The following EML4 variants were observed in gnomAD, a reference collection of about 807,000 sequenced individuals.
EML4 encodes EMAP like 4.
In EML4, 72 loss-of-function variants were observed where a neutral mutation model predicts 129.0. The observed-to-expected ratio is 0.56, with a 90% CI of 0.46 to 0.68. The LOEUF (loss-of-function observed/expected upper bound fraction) is 0.68. Among genes scored for constraint, EML4 ranks in the 30% least tolerant of loss-of-function variants. EML4 has a pLI of 0.00. For missense variants in EML4, 1,363 were observed against 1,190.6 expected, an observed-to-expected ratio of 1.14 and a Z score of -2.13; for synonymous variants, 532 against 405.0, an observed-to-expected ratio of 1.31 and a Z score of -3.77.
intron 7 of EML4, among the ~76,000 whole-genome samples, chr2:42,282,513 A>T (rs1386411004): frequency 6.6e-6 from 1 of 151,478 alleles, no homozygotes; most frequent in African/African-American, 2.4e-5. Flanking sequence ...CCCACCTCAG[A>T]CTCCCAAGTA....
intron 2 of EML4, 50 bp downstream of exon 2, chr2:42,245,737 T>C (rs759062280): frequency 3.4e-5 from 51 of 1,483,646 alleles, no homozygotes; most frequent in Admixed American, 4.7e-5. Flanking sequence ...CAATATTTTC[T>C]TTGAAAGTTG....
intron 7 of EML4, among the ~76,000 whole-genome samples, chr2:42,281,504 A>G (rs1558570934): frequency 1.3e-5 from 2 of 152,170 alleles, no homozygotes; most frequent in South Asian, 2.1e-4. Flanking sequence ...TTTGAACATC[A>G]TGGCAAGTAC....
chr2:42,242,644 T>G (rs980226207), intron 1 of EML4, among the ~76,000 whole-genome samples: 1 of 151,994 alleles, frequency 6.6e-6, no homozygotes, highest in African/African-American at 2.4e-5. Context: ...ACTAACTCAC[T>G]TCCTTCCTCC....
At chr2:42,284,595 T>C in intron 8 of EML4, 39 bp from the exon 9 acceptor site, 1 of 1,463,134 alleles carries the variant, frequency 6.8e-7, no homozygotes, top group Non-Finnish European at 9.5e-7. Flanking sequence ...TTGTTTCATG[T>C]TTCCTGTGTT....
At chr2:42,280,728 T>C (rs1666956746) in intron 6 of EML4, 122 bp from the exon 7 acceptor site, 1 of 717,894 alleles carries the variant, frequency 1.4e-6, no homozygotes, top group Non-Finnish European at 2.2e-6. Context: ...TTGTATATAA[T>C]GAGACTAAAA....
chr2:42,184,047 GTGT>G (rs1433929950), intron 1 of EML4, among the ~76,000 whole-genome samples: 1 of 152,128 alleles, frequency 6.6e-6, no homozygotes, highest in Non-Finnish European at 1.5e-5. Context: ...GTGCTCTGAA[GTGT>G]TGTTTAGTAG....
chr2:42,257,831 C>T (rs1221637159), intron 3 of EML4, among the ~76,000 whole-genome samples: 7 of 131,428 alleles, frequency 5.3e-5, no homozygotes, highest in African/African-American at 1.3e-4. Context: ...AGCCAGACTC[C>T]GTCTCAAAAA....
intron 3 of EML4, among the ~76,000 whole-genome samples, chr2:42,259,722 C>CTTTTTTTTTTTTTTTTTTTTTTTTTTT (rs780243101): frequency 1.0e-5 from 1 of 98,344 alleles, no homozygotes; most frequent in Non-Finnish European, 1.9e-5. Context: ...TTCTTTCTTT[C>CTTTTTTTTTTTTTTTTTTTTTTTTTTT]TTTTTTTTTT....
intron 1 of EML4, among the ~76,000 whole-genome samples, chr2:42,202,327 G>A (rs1672281811): frequency 6.6e-6 from 1 of 152,048 alleles, no homozygotes; most frequent in South Asian, 2.1e-4. Flanking sequence ...GATTGCTTGT[G>A]GCCAGTAGTT....
At chr2:42,216,520 C>T (rs1336298397) in intron 1 of EML4, among the ~76,000 whole-genome samples, 3 of 151,994 alleles carry the variant, frequency 2.0e-5, no homozygotes, top group Middle Eastern at 3.2e-3. Flanking sequence ...GGATTACTGG[C>T]GTGAGCCACC....
Position 42,208,744 on chromosome 2 carries a change from T to G in EML4, c.26-36761T>G, listed in dbSNP as rs1672710525. On this transcript the variant is annotated intron_variant, in intron 1 of 22. Transcript: ENST00000318522. ...CACTGCACCTGGCCTGGAAGCCTACTCCTTTTATTTATTTTTTTACTTTTT... is the reference window on the plus strand; with the variant it reads ...CACTGCACCTGGCCTGGAAGCCTACGCCTTTTATTTATTTTTTTACTTTTT... Among the ~76,000 whole-genome samples the G allele has an allele frequency of 4.6e-5, 7 of 151,132 alleles. No individual in the cohort carries two copies. In the South Asian group the frequency reaches 1.5e-3, roughly 31 times the overall value.
rs563254759 is a variant in EML4, at chr2:42,177,065, G to A, written c.25+7429G>A. Among the ~76,000 whole-genome samples the A allele has an allele frequency of 3.9e-5, 6 of 152,250 alleles. No individual in the cohort carries two copies. The East Asian group carries it at 1.2e-3, about 29-fold the overall frequency. ...GCTGAGGCCTCCCAGAGTGCTGGGG[G>A]ATTGCAGGTACCATGCCTAAGCCAA... is the stretch of plus-strand genomic sequence containing the variant. On this transcript the variant is annotated intron_variant, in intron 1 of 22. Coordinates refer to ENST00000318522, the MANE Select transcript of EML4 (RefSeq NM_019063.5).
chr2:42,219,926 A>G (rs896171354), intron 1 of EML4, among the ~76,000 whole-genome samples: 3 of 24,034 alleles, frequency 1.2e-4, no homozygotes. Context: ...ACTCCATCTA[A>G]AAAAAAAAAA....
At chr2:42,301,892 C>T (rs1056647335) in intron 14 of EML4, among the ~76,000 whole-genome samples, 2 of 152,076 alleles carry the variant, frequency 1.3e-5, no homozygotes, top group Admixed American at 6.5e-5. Context: ...ACAGATAACT[C>T]ATATCCTTTG....
At chr2:42,266,146 AAAAG>A (rs555683398) in intron 6 of EML4, among the ~76,000 whole-genome samples, 52 of 152,334 alleles carry the variant, frequency 3.4e-4, no homozygotes, top group South Asian at 2.5e-3. Context: ...TTCCAAAAAG[AAAAG>A]AAAGAAATAT....
chr2:42,259,771 C>A (rs1572643943), intron 3 of EML4, among the ~76,000 whole-genome samples: 1 of 141,318 alleles, frequency 7.1e-6, no homozygotes, highest in Admixed American at 7.2e-5. Context: ...GCTCTGTCAC[C>A]CAGGCTGGAG....
Position 42,184,275 on chromosome 2 carries a change from G to A in EML4, c.25+14639G>A, listed in dbSNP as rs182440755. 3.3e-3 allele frequency among the ~76,000 whole-genome samples: 494 copies of A among 151,756 alleles called. 2 individuals carry two copies. The highest frequency in any genetic ancestry group is 0.011 in the African/African-American group (475 of 41,332). The stretch of plus-strand genomic sequence containing the variant: ...ATATTTTAAGTTTTAGGGTACATGT[G>A]CACAACGTGCAGGTTTGTTACATAT... On this transcript the variant is annotated intron_variant, in intron 1 of 22. Transcript: ENST00000318522.
chr2:42,194,677 A>G (rs554201696), intron 1 of EML4, among the ~76,000 whole-genome samples: 3 of 151,650 alleles, frequency 2.0e-5, no homozygotes, highest in East Asian at 1.9e-4. Context: ...TGTCTAGCTT[A>G]TTTTTGTATT....
intron 1 of EML4, among the ~76,000 whole-genome samples, chr2:42,236,156 A>T (rs1415342964): frequency 6.6e-6 from 1 of 152,126 alleles, no homozygotes; most frequent in Non-Finnish European, 1.5e-5. Context: ...TAAACATTGT[A>T]TTATTTACTT....
Sources: allele counts gnomAD v4.1 joint callset (sites outside exome capture counted in the v4.1 genomes callset), GRCh38; gene constraint gnomAD v4.1.1; transcripts MANE v1.5; gene names NCBI Gene and HGNC (gene_info 2026-07-23, HGNC 2026-07-21).